ZNF576: variants seen among roughly 807,000 people sequenced by gnomAD.
ZNF576 encodes the protein zinc finger protein 576.
A neutral mutation model predicts 10.8 loss-of-function variants in ZNF576; 9 were observed. The ratio of observed to expected loss-of-function variants is 0.84; its 90% confidence interval spans 0.50 to 1.46. The LOEUF (loss-of-function observed/expected upper bound fraction) is 1.46, where lower values mean the gene tolerates loss of function less well. Ranked by LOEUF, ZNF576 falls within the 40% of genes most tolerant of loss-of-function variation. ZNF576 has a pLI of 0.00. For synonymous variants in ZNF576, 88 were observed against 89.6 expected, an observed-to-expected ratio of 0.98 and a Z score of 0.10; for missense variants, 191 against 233.7, an observed-to-expected ratio of 0.82 and a Z score of 1.19.
chr19:43,598,082 GAGGA>G (rs758622958), intron 2 of ZNF576, among the ~76,000 whole-genome samples: 1 of 152,238 alleles, frequency 6.6e-6, no homozygotes, highest in Non-Finnish European at 1.5e-5. Flanking sequence ...TACCCAGAAG[GAGGA>G]AGGAAGGAGG....
At chr19:43,598,326 C>T (rs1973172160) in intron 2 of ZNF576, among the ~76,000 whole-genome samples, 2 of 152,282 alleles carry the variant, frequency 1.3e-5, no homozygotes, top group African/African-American at 4.8e-5. Flanking sequence ...GCTGTGAGTA[C>T]CAGGCCAGAT....
rs145704690 is a variant in ZNF576, at chr19:43,597,145, C to T, written c.37C>T (p.Gln13Ter). ...GAACCCTGAAGAGAACATGAAGCAG[C>T]AGGATTCACCCAAGGAGAGAAGTCC... ...DPNPEENMKQ[Q>*]DSPKERSPQS... The change falls in exon 2 of 3, where the codon CAG becomes TAG. Residue 13 changes from glutamine (Q) to a stop codon, truncating the protein, a stop_gained. Coordinates refer to ENST00000336564, the MANE Select transcript of ZNF576 (RefSeq NM_001145347.2). LOFTEE classifies it high-confidence loss of function. 126 of 1,613,986 alleles carry T rather than the reference C, an allele frequency of 7.8e-5. No individual in the cohort carries two copies. Among genetic ancestry groups the T allele is most frequent in the Non-Finnish European group, 1.0e-4 (123 of 1,179,998 alleles).
At chr19:43,598,792 CCTG>C in intron 2 of ZNF576, 36 bp from the exon 3 acceptor site, 1 of 1,502,304 alleles carries the variant, frequency 6.7e-7, no homozygotes, top group South Asian at 1.3e-5. Flanking sequence ...CTTGGAGACT[CCTG>C]CTGGCCTCCC....
chr19:43,597,158 A>C lies in ZNF576; in HGVS notation c.50A>C (p.Lys17Thr). 2.5e-6 allele frequency: 4 copies of C among 1,614,082 alleles called. No individual in the cohort carries two copies. The African/African-American group carries it at 5.3e-5, about 22-fold the overall frequency. ...EENMKQQDSP[K>T]ERSPQSPGGN... ...AACATGAAGCAGCAGGATTCACCCA[A>C]GGAGAGAAGTCCCCAGAGCCCAGGA... Residue 17 changes from lysine (K) to threonine (T), a missense_variant, in exon 2 of 3, where the codon AAG becomes ACG. Coordinates refer to ENST00000336564, the MANE Select transcript of ZNF576 (RefSeq NM_001145347.2).
At chr19:43,596,869 A>C in intron 1 of ZNF576, 126 bp downstream of exon 1, 1 of 455,986 alleles carries the variant, frequency 2.2e-6, no homozygotes, top group Non-Finnish European at 4.0e-6. Context: ...ACCAGTGAGA[A>C]GACTCTAGGG....
Position 43,599,601 on chromosome 19 carries a change from G to A in ZNF576, c.*343G>A, listed in dbSNP as rs1973189280. 3.8e-6 allele frequency: 1 copy of A among 261,988 alleles called. No individual in the cohort carries two copies. The highest frequency in any genetic ancestry group is 7.3e-6 in the Non-Finnish European group (1 of 136,822). 16.2% of individuals were successfully genotyped at this position (261,988 alleles called of 1,614,324 possible). A position where few individuals can be genotyped will look rare whatever the true frequency, so the allele number is the denominator to read the frequency against. Reference sequence around the variant, plus strand: ...CATCACCCTTCATTCTTCCCAGATGGATGCCATGGGCTATGGGAGCAAATT... The same window carrying A: ...CATCACCCTTCATTCTTCCCAGATGAATGCCATGGGCTATGGGAGCAAATT... On this transcript the variant is annotated 3_prime_UTR_variant, in exon 3 of 3. Transcript: ENST00000336564.
chr19:43,597,881 G>A (rs1421285267), intron 2 of ZNF576, among the ~76,000 whole-genome samples: 1 of 152,108 alleles, frequency 6.6e-6, no homozygotes, highest in African/African-American at 2.4e-5. Flanking sequence ...TGAACACGTT[G>A]GGTTTCTCAC....
Position 43,599,091 on chromosome 19 carries a change from G to A in ZNF576, c.346G>A (p.Asp116Asn), listed in dbSNP as rs753746157. 3.1e-6 allele frequency: 5 copies of A among 1,614,072 alleles called. No homozygotes were observed. The African/African-American group carries it at 5.3e-5, about 17-fold the overall frequency. Residue 116 changes from aspartate to asparagine, a missense_variant, in exon 3 of 3, where the codon GAC becomes AAC. Asp to Asn is a conservative substitution (Grantham distance 23). Transcript: ENST00000336564. ...TGCCCAGCCCACCTTCCCTTGTCCT[G>A]ACTGTGGCAAGACCTTTGGGCAGGC... ...TTAQPTFPCP[D>N]CGKTFGQAVS...
intron 2 of ZNF576, 152 bp from the exon 3 acceptor site, chr19:43,598,679 C>T: frequency 3.0e-6 from 2 of 673,294 alleles, no homozygotes; most frequent in Admixed American, 3.1e-5. Flanking sequence ...AAAATAGGTG[C>T]AAGAACAGTT....
rs1600081291 is a variant in ZNF576 at position 43,599,408 on chromosome 19, A to G, written c.*150A>G. The G allele has an allele frequency of 1.3e-6, 1 of 745,736 alleles. No homozygotes were observed. Among genetic ancestry groups the G allele is most frequent in the African/African-American group, 1.8e-5 (1 of 56,580 alleles). The allele number at this position is 745,736 out of a possible 1,614,324, so 46.2% of individuals were successfully genotyped here. ...GCTCTTAATAAAGAGGACCCAGAAG[A>G]TTCTTATTTAGAGCTTCAGTCTTTG... is the stretch of plus-strand genomic sequence containing the variant. On this transcript the variant is annotated 3_prime_UTR_variant, in exon 3 of 3. Transcript: ENST00000336564.
intron 1 of ZNF576, 67 bp from the exon 2 acceptor site, chr19:43,597,021 ATAGACT>A (rs1600079525): frequency 7.5e-7 from 1 of 1,329,166 alleles, no homozygotes; most frequent in East Asian, 2.3e-5. Flanking sequence ...GTCAAAGGTC[ATAGACT>A]TAGGGTGCCC....
Position 43,597,306 on chromosome 19 carries a change from G to A in ZNF576, c.85+113G>A, listed in dbSNP as rs1339651476. The A allele has an allele frequency of 3.4e-6, 3 of 891,462 alleles. 1 individual carries two copies. Among genetic ancestry groups the A allele is most frequent in the Non-Finnish European group, 3.7e-6 (2 of 545,566 alleles). The allele number at this position is 891,462 out of a possible 1,614,324, so 55.2% of individuals were successfully genotyped here. A position where few individuals can be genotyped will look rare whatever the true frequency, so the allele number is the denominator to read the frequency against. ...CACAGAGTTTTGCCTGTTGAGAAGG[G>A]GCTGTAATGGTCCCTGAGCTGCTCT... On this transcript the variant is annotated intron_variant, in intron 2 of 2. Transcript: ENST00000336564.
Position 43,599,051 on chromosome 19 carries a change from G to A in ZNF576, c.306G>A (p.Pro102=), listed in dbSNP as rs773427628. 17 of 1,614,056 alleles carry A rather than the reference G, an allele frequency of 1.1e-5. No homozygotes were observed. Among genetic ancestry groups the A allele is most frequent in the African/African-American group, 2.7e-5 (2 of 74,906 alleles). The change falls in exon 3 of 3, where the codon CCG becomes CCA. Residue 102 remains proline (P), a synonymous_variant. Transcript: ENST00000336564. The part of the protein sequence containing the change: ...SHGPAAKPTL[P]VATTTAQPTF... The stretch of plus-strand genomic sequence containing the variant: ...GTCCAGCCGCCAAGCCCACCCTGCC[G>A]GTTGCAACCACTACTGCCCAGCCCA...
rs202092766 is a variant in ZNF576, at chr19:43,599,262, C to T, written c.*4C>T. ...GCATGCCCGGGGGGAGCTCTGAGTGCAGCTTAAGCCTCTCCACGGTGACGG... is the reference window on the plus strand; with the variant it reads ...GCATGCCCGGGGGGAGCTCTGAGTGTAGCTTAAGCCTCTCCACGGTGACGG... On this transcript the variant is annotated 3_prime_UTR_variant, in exon 3 of 3. Coordinates refer to ENST00000336564, the MANE Select transcript of ZNF576 (RefSeq NM_001145347.2). 104 of 1,607,504 alleles carry T rather than the reference C, an allele frequency of 6.5e-5. No homozygotes were observed. The highest frequency in any genetic ancestry group is 8.5e-5 in the Non-Finnish European group (100 of 1,175,116).
chr19:43,596,945 C>G, intron 1 of ZNF576, 149 bp from the exon 2 acceptor site: 1 of 617,702 alleles, frequency 1.6e-6, no homozygotes, highest in Non-Finnish European at 2.9e-6. Context: ...AGAACTCCAT[C>G]AATTAGAGTT....
In ZNF576 at chr19:43,600,736, A is replaced by G. The variant is rs1318112187; in HGVS notation, c.*1478A>G. ...TGTGGTGGCATATGCCTGTAATCCCAGCTACTTGGGAGGCTGAGGCAGGAG... is the reference window on the plus strand; with the variant it reads ...TGTGGTGGCATATGCCTGTAATCCCGGCTACTTGGGAGGCTGAGGCAGGAG... On this transcript the variant is annotated 3_prime_UTR_variant, in exon 3 of 3. Transcript: ENST00000336564. 6.6e-6 allele frequency: 1 copy of G among 152,304 alleles called. No individual in the cohort carries two copies. Among genetic ancestry groups the G allele is most frequent in the Admixed American group, 6.5e-5 (1 of 15,278 alleles). 9.4% of individuals were successfully genotyped at this position (152,304 alleles called of 1,614,324 possible).
In ZNF576 at chr19:43,599,050, C is replaced by G; in HGVS notation, c.305C>G (p.Pro102Arg). 6.2e-7 allele frequency: 1 copy of G among 1,614,212 alleles called. No homozygotes were observed. The highest frequency in any genetic ancestry group is 1.3e-5 in the African/African-American group (1 of 75,050). Residue 102 changes from proline (P) to arginine (R), a missense_variant, in exon 3 of 3, where the codon CCG (proline) becomes CGG (arginine). By Grantham distance (103) the Pro-to-Arg change is moderately radical. Coordinates refer to ENST00000336564, the MANE Select transcript of ZNF576 (RefSeq NM_001145347.2). Reference sequence around the variant, plus strand: ...GGTCCAGCCGCCAAGCCCACCCTGCCGGTTGCAACCACTACTGCCCAGCCC... The same window carrying G: ...GGTCCAGCCGCCAAGCCCACCCTGCGGGTTGCAACCACTACTGCCCAGCCC... ...SHGPAAKPTL[P>R]VATTTAQPTF...
chr19:43,598,509 CCAAG>C (rs367889822), intron 2 of ZNF576, among the ~76,000 whole-genome samples: 301 of 152,192 alleles, frequency 2.0e-3, no homozygotes, highest in Non-Finnish European at 2.7e-3. Flanking sequence ...AGATTCAATC[CCAAG>C]CAGTCTGGCT....
rs956392385 is a variant in ZNF576, at chr19:43,601,056, T to C, written c.*1798T>C. 9 of 152,176 alleles carry C rather than the reference T, an allele frequency of 5.9e-5. No individual in the cohort carries two copies. The highest frequency in any genetic ancestry group is 1.2e-4 in the Non-Finnish European group (8 of 68,040). The allele number at this position is 152,176 out of a possible 1,614,324, so 9.4% of individuals were successfully genotyped here. ...TTGCTATCTAAGAAAGAAACTTCTA[T>C]CTTATTTAAGCCACCATTATTTTGG... On this transcript the variant is annotated 3_prime_UTR_variant, in exon 3 of 3. Transcript: ENST00000336564.
Sources: gnomAD v4.1 joint callset for allele counts (sites outside exome capture counted in the v4.1 genomes callset) on GRCh38, gnomAD v4.1.1 for gene constraint, MANE v1.5 for transcripts, NCBI Gene and HGNC (gene_info 2026-07-23, HGNC 2026-07-21) for gene names.